The following SIPA1L1 variants were observed in gnomAD, a reference collection of about 807,000 sequenced individuals.
SIPA1L1 encodes signal induced proliferation associated 1 like 1, also known as signal-induced proliferation-associated 1-like protein 1.
Under a neutral mutation model 162.7 loss-of-function variants are expected in SIPA1L1, and 26 were observed. That is an observed-to-expected ratio of 0.16 (90% CI 0.12 to 0.22). The LOEUF is 0.22. SIPA1L1 is among the 10% of genes least tolerant of loss of function. SIPA1L1 has a pLI of 1.00. For missense variants in SIPA1L1, 1,874 were observed against 2,241.0 expected (o/e 0.84, Z 3.31); for synonymous variants, 829 against 837.4 (o/e 0.99, Z 0.17).
At chr14:71,567,308 G>C (rs1281975323) in intron 4 of SIPA1L1, among the ~76,000 whole-genome samples, 3 of 152,148 alleles carry the variant, frequency 2.0e-5, no homozygotes, top group African/African-American at 7.2e-5. Flanking sequence ...TGAAAGGAAG[G>C]TTCCTCCTAT....
At chr14:71,356,306 C>T (rs1299933214) in intron 2 of SIPA1L1, among the ~76,000 whole-genome samples, 1 of 151,608 alleles carries the variant, frequency 6.6e-6, no homozygotes, top group African/African-American at 2.4e-5. Context: ...ATTTGGGGCT[C>T]CATGAATAAC....
At chr14:71,550,789 A>G (rs911509146) in intron 4 of SIPA1L1, among the ~76,000 whole-genome samples, 5 of 152,144 alleles carry the variant, frequency 3.3e-5, no homozygotes, top group African/African-American at 1.2e-4. Context: ...ACAAAGAATT[A>G]TGAGCAATCC....
chr14:71,599,378 C>T (rs1261701301), intron 5 of SIPA1L1, among the ~76,000 whole-genome samples: 1 of 151,408 alleles, frequency 6.6e-6, no homozygotes, highest in Admixed American at 6.6e-5. Flanking sequence ...TCAACATGAT[C>T]CAACCTCAAG....
At chr14:71,525,820 T>C (rs1027942978) in intron 3 of SIPA1L1, among the ~76,000 whole-genome samples, 1 of 152,230 alleles carries the variant, frequency 6.6e-6, no homozygotes, top group African/African-American at 2.4e-5. Context: ...TTCTAAGCTG[T>C]TTGTGTTACT....
chr14:71,610,467 T>C (rs1291184127), intron 5 of SIPA1L1, among the ~76,000 whole-genome samples: 2 of 152,216 alleles, frequency 1.3e-5, no homozygotes, highest in African/African-American at 2.4e-5. Flanking sequence ...ACTATGAATA[T>C]TTACAGTTTA....
chr14:71,719,336 G>A (rs1456156979), intron 17 of SIPA1L1, among the ~76,000 whole-genome samples: 1 of 152,156 alleles, frequency 6.6e-6, no homozygotes, highest in East Asian at 1.9e-4. Flanking sequence ...ATATACATAT[G>A]TTCAACTTAG....
intron 2 of SIPA1L1, among the ~76,000 whole-genome samples, chr14:71,454,529 G>A (rs1019459622): frequency 6.6e-6 from 1 of 152,158 alleles, no homozygotes; most frequent in Non-Finnish European, 1.5e-5. Context: ...ATCATTAAAT[G>A]TAATACCATA....
chr14:71,547,100 G>T (rs1253208081), intron 4 of SIPA1L1, among the ~76,000 whole-genome samples: 1 of 151,590 alleles, frequency 6.6e-6, no homozygotes, highest in Non-Finnish European at 1.5e-5. Context: ...TCCCCTAATA[G>T]CTCTTTAGCT....
intron 2 of SIPA1L1, among the ~76,000 whole-genome samples, chr14:71,357,727 A>G (rs1453393038): frequency 6.6e-6 from 1 of 151,824 alleles, no homozygotes; most frequent in Admixed American, 6.6e-5. Context: ...AATGCCGGCT[A>G]ATTTTTGTTG....
chr14:71,651,836 TG>T (rs1442554323), intron 8 of SIPA1L1, among the ~76,000 whole-genome samples: 2 of 152,200 alleles, frequency 1.3e-5, no homozygotes, highest in African/African-American at 4.8e-5. Flanking sequence ...AGTAAGGCAG[TG>T]GAATACACAA....
intron 2 of SIPA1L1, among the ~76,000 whole-genome samples, chr14:71,387,532 C>A (rs1040544196): frequency 2.6e-5 from 4 of 152,094 alleles, no homozygotes; most frequent in Non-Finnish European, 5.9e-5. Flanking sequence ...TTACTGTAGC[C>A]AAGAAAGGTG....
chr14:71,735,418 C>G (rs757454594), intron 22 of SIPA1L1, 27 bp downstream of exon 22: 14 of 1,466,748 alleles, frequency 9.5e-6, no homozygotes, highest in Non-Finnish European at 1.1e-5. Flanking sequence ...GGGCAGTACT[C>G]TGCACCTTGT....
intron 2 of SIPA1L1, among the ~76,000 whole-genome samples, chr14:71,444,860 A>T (rs957981906): frequency 6.6e-6 from 1 of 152,188 alleles, no homozygotes; most frequent in Non-Finnish European, 1.5e-5. Flanking sequence ...AAAGAAGCTG[A>T]TGAAGTGCTC....
At chr14:71,467,890 C>T (rs1280916880) in intron 2 of SIPA1L1, among the ~76,000 whole-genome samples, 1 of 150,772 alleles carries the variant, frequency 6.6e-6, no homozygotes, top group Non-Finnish European at 1.5e-5. Flanking sequence ...GTATTGGCTT[C>T]TATCATTTAC....
intron 2 of SIPA1L1, among the ~76,000 whole-genome samples, chr14:71,376,965 C>G (rs1166980835): frequency 5.3e-5 from 8 of 152,212 alleles, no homozygotes; most frequent in Non-Finnish European, 1.0e-4. Context: ...AATCTGATCT[C>G]TCTTTCTTTT....
intron 2 of SIPA1L1, among the ~76,000 whole-genome samples, chr14:71,388,723 G>A (rs956723528): frequency 9.2e-5 from 14 of 152,222 alleles, no homozygotes; most frequent in African/African-American, 3.4e-4. Flanking sequence ...CTCTGAAAGT[G>A]GTTGTCAGCC....
intron 7 of SIPA1L1, among the ~76,000 whole-genome samples, chr14:71,644,882 CT>C (rs745719686): frequency 2.0e-5 from 3 of 152,182 alleles, no homozygotes; most frequent in East Asian, 1.9e-4. Context: ...CTTGTTTGTT[CT>C]TTCATATGAA....
intron 2 of SIPA1L1, among the ~76,000 whole-genome samples, chr14:71,420,824 TAGC>T (rs1016464118): frequency 9.2e-5 from 14 of 152,310 alleles, no homozygotes; most frequent in Middle Eastern, 3.4e-3. Context: ...CTTAAAAAAA[TAGC>T]AGCAATGTCA....
intron 2 of SIPA1L1, among the ~76,000 whole-genome samples, chr14:71,414,840 C>T (rs2042645961): frequency 6.6e-6 from 1 of 152,154 alleles, no homozygotes; most frequent in Admixed American, 6.5e-5. Context: ...TATTGCTCTT[C>T]GAGTGACTGT....
Sources: allele counts gnomAD v4.1 joint callset (sites outside exome capture counted in the v4.1 genomes callset), GRCh38; gene constraint gnomAD v4.1.1; transcripts MANE v1.5; gene names NCBI Gene and HGNC (gene_info 2026-07-23, HGNC 2026-07-21).